Variants in NAV3 observed in about 807,000 individuals in gnomAD.
NAV3 encodes neuron navigator 3.
In NAV3, 87 loss-of-function variants were observed where a neutral mutation model predicts 244.7. The ratio of observed to expected loss-of-function variants is 0.36; its 90% CI spans 0.30 to 0.42. The LOEUF (loss-of-function observed/expected upper bound fraction) is 0.42, where lower values mean the gene tolerates loss of function less well. Ranked by LOEUF, NAV3 falls within the 20% of genes least tolerant of loss-of-function variation. NAV3 has a pLI of 1.00. For missense variants in NAV3, 2,663 were observed against 2,893.3 expected, an observed-to-expected ratio of 0.92 and a Z score of 1.83; for synonymous variants, 1,126 against 1,042.2, an observed-to-expected ratio of 1.08 and a Z score of -1.55.
intron 1 of NAV3, among the ~76,000 whole-genome samples, chr12:77,917,521 A>G (rs928162373): frequency 1.3e-5 from 2 of 152,032 alleles, no homozygotes; most frequent in Non-Finnish European, 2.9e-5. Flanking sequence ...TTATATAGCA[A>G]TATGTCTAAT....
chr12:77,799,888 T>C (rs141183003), intron 2 of NAV3, among the ~76,000 whole-genome samples: 1 of 152,300 alleles, frequency 6.6e-6, no homozygotes, highest in East Asian at 1.9e-4. Context: ...TCTTTTATAT[T>C]ATCTTATTAG....
chr12:78,009,873 T>G (rs1227161670), intron 8 of NAV3, among the ~76,000 whole-genome samples: 1 of 152,288 alleles, frequency 6.6e-6, no homozygotes, highest in African/African-American at 2.4e-5. Flanking sequence ...ATTACATGAA[T>G]ATCAGTAATT....
At chr12:78,071,485 T>C (rs1426281448) in intron 12 of NAV3, among the ~76,000 whole-genome samples, 1 of 152,172 alleles carries the variant, frequency 6.6e-6, no homozygotes, top group Middle Eastern at 3.4e-3. Context: ...TTGCGAAAAT[T>C]TTCTCCCATT....
At chr12:78,184,612 CTTAA>C (rs1293531229) in intron 30 of NAV3, among the ~76,000 whole-genome samples, 1 of 151,658 alleles carries the variant, frequency 6.6e-6, no homozygotes, top group African/African-American at 2.4e-5. Flanking sequence ...ATTACATATA[CTTAA>C]TTATTAAGAT....
At chr12:77,940,252 C>A in intron 1 of NAV3, 67 bp from the exon 2 acceptor site, 1 of 1,156,948 alleles carries the variant, frequency 8.6e-7, no homozygotes, top group Non-Finnish European at 1.3e-6. Context: ...CAACATTTGT[C>A]TTCAGCATTT....
chr12:77,709,857 T>C (rs1455699236), intron 2 of NAV3, among the ~76,000 whole-genome samples: 1 of 152,184 alleles, frequency 6.6e-6, no homozygotes, highest in Non-Finnish European at 1.5e-5. Flanking sequence ...CTCTTCCATA[T>C]GTAGTTTCAA....
chr12:77,985,095 C>T (rs1232366861), intron 5 of NAV3, among the ~76,000 whole-genome samples: 11 of 152,160 alleles, frequency 7.2e-5, no homozygotes, highest in Admixed American at 6.6e-4. Flanking sequence ...GGATTACAGG[C>T]GTGAGCCACC....
At chr12:78,079,379 A>C (rs901183267) in intron 12 of NAV3, among the ~76,000 whole-genome samples, 1 of 152,198 alleles carries the variant, frequency 6.6e-6, no homozygotes, top group Non-Finnish European at 1.5e-5. Context: ...ATTATTTCTT[A>C]TCTCTGAAGT....
At chr12:78,066,311 AAAT>A (rs1415374524) in intron 12 of NAV3, among the ~76,000 whole-genome samples, 1 of 152,108 alleles carries the variant, frequency 6.6e-6, no homozygotes, top group Non-Finnish European at 1.5e-5. Context: ...AAATAAAATA[AAAT>A]AATAATAAAT....
At chr12:78,102,721 C>T (rs1407494521) in intron 12 of NAV3, among the ~76,000 whole-genome samples, 3 of 152,182 alleles carry the variant, frequency 2.0e-5, no homozygotes, top group South Asian at 2.1e-4. Flanking sequence ...TCCCAAACCT[C>T]GATTCTTAAT....
intron 1 of NAV3, among the ~76,000 whole-genome samples, chr12:77,903,873 A>G (rs1418472562): frequency 2.0e-5 from 3 of 152,376 alleles, no homozygotes; most frequent in Non-Finnish European, 4.4e-5. Flanking sequence ...ACATTTATGC[A>G]GCCAAAAGAC....
At chr12:77,867,181 G>A (rs1565871452) in intron 1 of NAV3, among the ~76,000 whole-genome samples, 1 of 152,096 alleles carries the variant, frequency 6.6e-6, no homozygotes, top group Non-Finnish European at 1.5e-5. Flanking sequence ...AATCATGGGG[G>A]CAGTTTCCAC....
intron 3 of NAV3, among the ~76,000 whole-genome samples, chr12:77,960,492 T>C (rs921694447): frequency 6.7e-6 from 1 of 149,158 alleles, no homozygotes; most frequent in African/African-American, 2.4e-5. Context: ...CACATATATA[T>C]ATAACACATT....
intron 39 of NAV3, among the ~76,000 whole-genome samples, chr12:78,207,504 A>G (rs1286001986): frequency 6.6e-6 from 1 of 152,182 alleles, no homozygotes; most frequent in African/African-American, 2.4e-5. Flanking sequence ...AGAGGCACAT[A>G]TTAAGTAAAA....
At chr12:78,200,692 C>A (rs1057482786) in intron 38 of NAV3, 101 bp downstream of exon 38, 26 of 581,948 alleles carry the variant, frequency 4.5e-5, no homozygotes, top group Non-Finnish European at 7.3e-5. Context: ...ATGCAGAAAA[C>A]TAAAGGCATG....
intron 2 of NAV3, among the ~76,000 whole-genome samples, chr12:77,746,470 C>G (rs1592642391): frequency 6.6e-6 from 1 of 152,196 alleles, no homozygotes; most frequent in East Asian, 1.9e-4. Context: ...AATCTACCTA[C>G]AAGTACATCT....
chr12:78,035,567 A>T (rs566111650), intron 9 of NAV3, among the ~76,000 whole-genome samples: 261 of 152,236 alleles, frequency 1.7e-3, no homozygotes, highest in African/African-American at 6.1e-3. Flanking sequence ...TAGGCTTATG[A>T]AATAGACCTG....
At chr12:78,132,442 A>T (rs987527836) in intron 18 of NAV3, among the ~76,000 whole-genome samples, 13 of 152,276 alleles carry the variant, frequency 8.5e-5, no homozygotes, top group African/African-American at 3.1e-4. Flanking sequence ...ACAGGCCATG[A>T]CTTAAGTGAC....
intron 2 of NAV3, among the ~76,000 whole-genome samples, chr12:77,731,628 G>C (rs1187141920): frequency 6.6e-6 from 1 of 151,922 alleles, no homozygotes; most frequent in Non-Finnish European, 1.5e-5. Flanking sequence ...ATGGGAAACA[G>C]CATGGATATC....
Sources: allele counts gnomAD v4.1 joint callset (sites outside exome capture counted in the v4.1 genomes callset), GRCh38; gene constraint gnomAD v4.1.1; transcripts MANE v1.5; gene names NCBI Gene and HGNC (gene_info 2026-07-23, HGNC 2026-07-21).